RORA: variants seen among roughly 807,000 people sequenced by gnomAD.
RORA encodes the protein RAR related orphan receptor A.
Under a neutral mutation model 69.5 loss-of-function variants are expected in RORA, and 7 were observed. That is an observed-to-expected ratio of 0.10 (90% CI 0.06 to 0.19). The LOEUF (loss-of-function observed/expected upper bound fraction) is 0.19, where lower values mean the gene tolerates loss of function less well. RORA is among the 10% of genes least tolerant of loss of function. The probability of loss-of-function intolerance (pLI) is 1.00; values close to 1 mark genes in which losing one functional copy is unlikely to be tolerated. For synonymous variants in RORA, 261 were observed against 240.8 expected (o/e 1.08, Z -0.78); for missense variants, 457 against 663.0 (o/e 0.69, Z 3.41).
At chr15:60,517,148 A>G (rs1421336986) in intron 3 of RORA, among the ~76,000 whole-genome samples, 1 of 143,204 alleles carries the variant, frequency 7.0e-6, no homozygotes, top group Non-Finnish European at 1.5e-5. Flanking sequence ...GCAGATGGGA[A>G]GTTATGGTGG....
At chr15:61,063,486 G>A (rs2078214921) in intron 1 of RORA, among the ~76,000 whole-genome samples, 2 of 152,158 alleles carry the variant, frequency 1.3e-5, no homozygotes, top group Admixed American at 6.5e-5. Context: ...ACTTGACCTT[G>A]CAACTGTACA....
intron 1 of RORA, among the ~76,000 whole-genome samples, chr15:60,707,334 T>TTTTATTTTATTTA (rs1555447514): frequency 2.2e-5 from 3 of 136,080 alleles, no homozygotes; most frequent in African/African-American, 8.2e-5. Flanking sequence ...TATTTCTTTA[T>TTTTATTTTATTTA]TTTATTTATT....
intron 1 of RORA, among the ~76,000 whole-genome samples, chr15:60,785,045 A>G (rs1458691064): frequency 1.3e-5 from 2 of 152,222 alleles, no homozygotes; most frequent in Non-Finnish European, 2.9e-5. Context: ...GCATGCTTCA[A>G]TTAAAGACAA....
At position 60,905,804 on chromosome 15, in the gene RORA, A is replaced by G. The variant is rs746593224; in HGVS notation, c.167-227118T>C. On this transcript the variant is annotated intron_variant, in intron 1 of 10. Coordinates refer to ENST00000335670, the MANE Select transcript of RORA (RefSeq NM_134261.3). The surrounding 1 kb of genome is among the most constrained non-coding windows in gnomAD (Gnocchi z 4.8). ...GGGCACCCCCTAGTGACATGTTCCT[A>G]TACCCTAGGATATCCCTTTCCTTGC... Among the ~76,000 whole-genome samples the G allele has an allele frequency of 2.6e-5, 4 of 152,152 alleles. No homozygotes were observed. The highest frequency in any genetic ancestry group is 5.9e-5 in the Non-Finnish European group (4 of 67,994).
intron 1 of RORA, among the ~76,000 whole-genome samples, chr15:61,209,073 A>G (rs2079966907): frequency 6.6e-6 from 1 of 152,230 alleles, no homozygotes; most frequent in South Asian, 2.1e-4. Context: ...CTAAAGATTC[A>G]CAGATGAGTT....
At chr15:61,004,105 G>T (rs895573042) in intron 1 of RORA, among the ~76,000 whole-genome samples, 2 of 152,186 alleles carry the variant, frequency 1.3e-5, no homozygotes, top group East Asian at 3.8e-4. Flanking sequence ...GTGAAGGGGA[G>T]TCAGACAAGA....
At chr15:60,872,454 C>T (rs373104429) in intron 1 of RORA, among the ~76,000 whole-genome samples, 3 of 152,076 alleles carry the variant, frequency 2.0e-5, no homozygotes, top group African/African-American at 4.8e-5. Flanking sequence ...AGAAACTTTT[C>T]GAATGGTACC....
chr15:60,763,065 ATTTTTTTTTT>A lies in RORA; in HGVS notation c.167-84389_167-84380del, dbSNP rs374433414. Among the ~76,000 whole-genome samples the A allele has an allele frequency of 1.5e-3, 73 of 48,378 alleles. 3 individuals are homozygous for A. Among genetic ancestry groups the A allele is most frequent in the Middle Eastern group, 0.016 (1 of 62 alleles). The allele number at this position is 48,378 out of a possible 152,430, so 31.7% of individuals were successfully genotyped here. On this transcript the variant is annotated intron_variant, in intron 1 of 10. Transcript: ENST00000335670. ...AAAGTACTGTTTCCAATATGCACAG[ATTTTTTTTTT>A]TTTTTTTTTTTTTTTTTTTTTAACC...
At chr15:60,873,244 TGTGTCTGTGTGTG>T in intron 1 of RORA, among the ~76,000 whole-genome samples, 1 of 1,612 alleles carries the variant, frequency 6.2e-4, no homozygotes, top group Admixed American at 6.4e-3. Context: ...TGTGTGTGTG[TGTGTCTGTGTGTG>T]TGTGTCTGTG....
chr15:60,964,213 G>T (rs1328088359), intron 1 of RORA, among the ~76,000 whole-genome samples: 4 of 152,238 alleles, frequency 2.6e-5, no homozygotes, highest in Non-Finnish European at 5.9e-5. Flanking sequence ...TTGAAGCCAT[G>T]TTGGGGCTCT....
rs1160208620 is a variant in RORA, at chr15:60,526,490, T to TA, written c.282+5275dup. 7.3e-5 allele frequency among the ~76,000 whole-genome samples: 11 copies of TA among 151,598 alleles called. No homozygotes were observed. The South Asian group carries it at 2.1e-3, about 29-fold the overall frequency. On this transcript the variant is annotated intron_variant, in intron 3 of 10. Coordinates refer to ENST00000335670, the MANE Select transcript of RORA (RefSeq NM_134261.3). ...CATGATTAAGATCTAAACAAACAAA[T>TA]AAAAAAAAATCTGAATCATCTTGAT...
chr15:60,746,115 C>G (rs1367343464), intron 1 of RORA, among the ~76,000 whole-genome samples: 1 of 152,120 alleles, frequency 6.6e-6, no homozygotes, highest in African/African-American at 2.4e-5. Context: ...TAGGCTAAGC[C>G]TTCGTGGATT....
chr15:60,628,922 G>A (rs2069660749), intron 2 of RORA, among the ~76,000 whole-genome samples: 1 of 152,162 alleles, frequency 6.6e-6, no homozygotes, highest in African/African-American at 2.4e-5. Context: ...AAGGGGGTGG[G>A]TTTAGAGAGG....
Position 60,996,093 on chromosome 15 carries a change from T to C in RORA, c.166+232960A>G, listed in dbSNP as rs991367536. On this transcript the variant is annotated intron_variant, in intron 1 of 10. Transcript: ENST00000335670. The stretch of plus-strand genomic sequence containing the variant: ...TTTGTTTTTTTTTTTTTTTTTGAGA[T>C]GGAGTCTCACTCTGTTGCCCAGGCT... Among the ~76,000 whole-genome samples the C allele has an allele frequency of 4.0e-5, 6 of 151,054 alleles. No individual in the cohort carries two copies. In the South Asian group the frequency reaches 8.5e-4, roughly 21 times the overall value.
intron 2 of RORA, among the ~76,000 whole-genome samples, chr15:60,604,822 T>C (rs557420343): frequency 1.3e-5 from 2 of 152,300 alleles, no homozygotes; most frequent in African/African-American, 4.8e-5. Context: ...CCTGTACAAC[T>C]GAAAAACTAA....
intron 1 of RORA, among the ~76,000 whole-genome samples, chr15:60,926,245 T>G (rs1455059921): frequency 1.3e-5 from 2 of 152,144 alleles, no homozygotes; most frequent in African/African-American, 2.4e-5. Flanking sequence ...CCAATGACAT[T>G]TGGAACAGAA....
In RORA at chr15:60,603,869, T is replaced by C. The variant is rs142829544; in HGVS notation, c.197-72018A>G. Among the ~76,000 whole-genome samples the C allele has an allele frequency of 4.6e-3, 696 of 152,200 alleles. 4 individuals carry two copies. Among genetic ancestry groups the C allele is most frequent in the African/African-American group, 0.016 (648 of 41,526 alleles). On this transcript the variant is annotated intron_variant, in intron 2 of 10. Transcript: ENST00000335670. ...CACAAACAGGGCGGGGCATGGTGGC[T>C]CACGCCTGTAATCCCAGCACTTTGG...
chr15:61,210,778 T>C (rs920125616), intron 1 of RORA, among the ~76,000 whole-genome samples: 2 of 152,198 alleles, frequency 1.3e-5, no homozygotes, highest in Non-Finnish European at 2.9e-5. Flanking sequence ...ATAAATTTCT[T>C]CTCCAACCCA....
chr15:60,543,932 C>T (rs985308186), intron 2 of RORA, among the ~76,000 whole-genome samples: 12 of 152,044 alleles, frequency 7.9e-5, no homozygotes, highest in African/African-American at 2.4e-4. Flanking sequence ...AACCAGGGCA[C>T]GATAGAAAGA....
Sources: allele counts gnomAD v4.1 joint callset (sites outside exome capture counted in the v4.1 genomes callset), GRCh38; gene constraint gnomAD v4.1.1; non-coding constraint Gnocchi (gnomAD v3.1); transcripts MANE v1.5; gene names NCBI Gene and HGNC (gene_info 2026-07-23, HGNC 2026-07-21).